Variants in MFAP5 observed in about 807,000 individuals in gnomAD.
The protein encoded by MFAP5 is microfibrillar-associated protein 5.
In MFAP5, 19 loss-of-function variants were observed where a neutral mutation model predicts 30.1. That is an observed-to-expected ratio of 0.63 (90% CI 0.44 to 0.93). MFAP5 has a LOEUF of 0.93. MFAP5 is among the 40% of genes least tolerant of loss of function. MFAP5 has a pLI of 0.00. For missense variants in MFAP5, 210 were observed against 221.3 expected (o/e 0.95, Z 0.32); for synonymous variants, 92 against 72.9 (o/e 1.26, Z -1.33).
rs145989395 is a variant in MFAP5 at position 8,650,995 on chromosome 12, C to T, written c.248-406G>A. On this transcript the variant is annotated intron_variant, in intron 7 of 9. Coordinates refer to ENST00000359478, the MANE Select transcript of MFAP5 (RefSeq NM_003480.4). ...CAGCCTGGCCAACAAGGTAAAACCCCGTCTCTACTGAAAATACAAAAATTA... is the reference window on the plus strand; with the variant it reads ...CAGCCTGGCCAACAAGGTAAAACCCTGTCTCTACTGAAAATACAAAAATTA... Among the ~76,000 whole-genome samples the T allele has an allele frequency of 1.8e-4, 27 of 152,130 alleles. No homozygotes were observed. The East Asian group carries it at 4.8e-3, about 27-fold the overall frequency.
chr12:8,650,638 A>G (rs764640506), intron 7 of MFAP5, 49 bp from the exon 8 acceptor site: 30 of 1,499,788 alleles, frequency 2.0e-5, no homozygotes, highest in Non-Finnish European at 2.6e-5. Flanking sequence ...TAGAAGCAGC[A>G]TAAATGAAGG....
In MFAP5 at chr12:8,648,649, T is replaced by G; in HGVS notation, c.410-446A>C. 4.6e-6 allele frequency: 3 copies of G among 651,936 alleles called. No individual in the cohort carries two copies. In the South Asian group the frequency reaches 5.1e-5, roughly 11 times the overall value. The allele number at this position is 651,936 out of a possible 1,614,324, so 40.4% of individuals were successfully genotyped here. On this transcript the variant is annotated intron_variant, in intron 9 of 9. Transcript: ENST00000359478. ...AACTTTAGGAAGTCCCTTGAGATAC[T>G]TGAAAGTGCCTAGAGTCCCAAATAC...
intron 3 of MFAP5, 131 bp downstream of exon 3, chr12:8,660,730 CTT>C: frequency 1.3e-6 from 1 of 783,006 alleles, no homozygotes; most frequent in Non-Finnish European, 2.0e-6. Flanking sequence ...CAATGCATCT[CTT>C]TGTTGTAGGA....
rs1941848079 is a variant in MFAP5 at position 8,651,871 on chromosome 12, G to A, written c.218-180C>T. The A allele has an allele frequency of 8.4e-6, 5 of 598,206 alleles. No individual in the cohort carries two copies. The Admixed American group carries it at 8.9e-5, about 11-fold the overall frequency. 37.1% of individuals were successfully genotyped at this position (598,206 alleles called of 1,614,324 possible). On this transcript the variant is annotated intron_variant, in intron 6 of 9. Transcript: ENST00000359478. ...TTGAGCTGATTTGCTCCACAAAATT[G>A]AAGACATTAGGAGGCAGGATGGGAT... is the stretch of plus-strand genomic sequence containing the variant.
chr12:8,653,428 G>A (rs1160382122), intron 6 of MFAP5, among the ~76,000 whole-genome samples: 1 of 152,126 alleles, frequency 6.6e-6, no homozygotes, highest in Non-Finnish European at 1.5e-5. Context: ...GAAGTGGGGT[G>A]TGATCCTTCC....
At chr12:8,652,145 TA>T (rs779132046) in intron 6 of MFAP5, among the ~76,000 whole-genome samples, 10 of 151,998 alleles carry the variant, frequency 6.6e-5, no homozygotes, top group Non-Finnish European at 1.3e-4. Flanking sequence ...AGCTGTTGGG[TA>T]AAGAATAATG....
rs779814294 is a variant in MFAP5 at position 8,653,982 on chromosome 12, C to A, written c.217+455G>T. Among the ~76,000 whole-genome samples the A allele has an allele frequency of 2.0e-5, 3 of 152,248 alleles. No homozygotes were observed. In the East Asian group the frequency reaches 5.8e-4, roughly 29 times the overall value. ...TCTACTAAAACTACAAAAAATTAGC[C>A]AGGCATGGTGGTAGGTGCCTATAAT... On this transcript the variant is annotated intron_variant, in intron 6 of 9. Transcript: ENST00000359478.
chr12:8,660,375 T>C (rs901906140), intron 3 of MFAP5, among the ~76,000 whole-genome samples: 14 of 151,544 alleles, frequency 9.2e-5, no homozygotes, highest in African/African-American at 3.4e-4. Flanking sequence ...TTTCTAGAGA[T>C]GAGGTCTCCC....
In MFAP5 at chr12:8,646,107, C is replaced by A. The variant is rs1310427467; in HGVS notation, c.*1984G>T. On this transcript the variant is annotated 3_prime_UTR_variant, in exon 10 of 10. Transcript: ENST00000359478. ...TCGTGAAGATATTCTTAAAATTAAT[C>A]TTGGAAACTCTGTGCCTATGAGGTT... The A allele has an allele frequency of 2.0e-5, 3 of 152,592 alleles. No individual in the cohort carries two copies. The highest frequency in any genetic ancestry group is 4.4e-5 in the Non-Finnish European group (3 of 68,028). The allele number at this position is 152,592 out of a possible 1,614,324, so 9.5% of individuals were successfully genotyped here.
At chr12:8,649,480 A>C (rs1156740264) in intron 9 of MFAP5, 21 bp downstream of exon 9, 1 of 1,608,262 alleles carries the variant, frequency 6.2e-7, no homozygotes. Flanking sequence ...CTCTCCATTA[A>C]ACATCCAGAC....
At chr12:8,653,055 G>T (rs1347677028) in intron 6 of MFAP5, among the ~76,000 whole-genome samples, 1 of 152,020 alleles carries the variant, frequency 6.6e-6, no homozygotes, top group Non-Finnish European at 1.5e-5. Context: ...AGCCAGGCTT[G>T]GTGGTGGGCG....
intron 4 of MFAP5, 47 bp from the exon 5 acceptor site, chr12:8,655,494 T>C (rs749703503): frequency 6.3e-7 from 1 of 1,575,786 alleles, no homozygotes; most frequent in African/African-American, 1.4e-5. Flanking sequence ...TCAGGAAAAG[T>C]AGCTAAGGAA....
chr12:8,661,521 T>C (rs1288291245), intron 2 of MFAP5, among the ~76,000 whole-genome samples: 1 of 151,934 alleles, frequency 6.6e-6, no homozygotes, highest in African/African-American at 2.4e-5. Context: ...AAGATTTACA[T>C]TTGGTCCAGT....
At chr12:8,662,191 C>A in intron 1 of MFAP5, 85 bp from the exon 2 acceptor site, 1 of 1,134,158 alleles carries the variant, frequency 8.8e-7, no homozygotes, top group Non-Finnish European at 1.3e-6. Context: ...CCTCTGAGGT[C>A]CCTGTCTCTT....
chr12:8,651,631 G>C, intron 7 of MFAP5, 31 bp downstream of exon 7: 1 of 1,610,998 alleles, frequency 6.2e-7, no homozygotes, highest in Non-Finnish European at 8.5e-7. Flanking sequence ...AGAAAAAAAG[G>C]CTTAAGAAGG....
rs1402206908 is a variant in MFAP5, at chr12:8,657,734, A to T, written c.95-1904T>A. On this transcript the variant is annotated intron_variant, in intron 3 of 9. Transcript: ENST00000359478. Reference sequence around the variant, plus strand: ...ACACAGGCATGTGCCACCATGCCCGACTAGTTTTTGTATTTTTAGTAGAGA... The same window carrying T: ...ACACAGGCATGTGCCACCATGCCCGTCTAGTTTTTGTATTTTTAGTAGAGA... Among the ~76,000 whole-genome samples the T allele has an allele frequency of 3.3e-5, 5 of 150,810 alleles. No individual in the cohort carries two copies. In the East Asian group the frequency reaches 1.0e-3, roughly 30 times the overall value.
chr12:8,656,787 C>G (rs1325070710), intron 3 of MFAP5, among the ~76,000 whole-genome samples: 1 of 151,664 alleles, frequency 6.6e-6, no homozygotes, highest in Non-Finnish European at 1.5e-5. Flanking sequence ...TCTGCCTCAG[C>G]CTCCAGAGTA....
intron 3 of MFAP5, among the ~76,000 whole-genome samples, chr12:8,656,175 C>G (rs745945147): frequency 6.6e-6 from 1 of 151,308 alleles, no homozygotes; most frequent in Non-Finnish European, 1.5e-5. Context: ...ATTCTCCTGC[C>G]TCAGCCTCCC....
At chr12:8,657,164 A>T (rs955600368) in intron 3 of MFAP5, among the ~76,000 whole-genome samples, 57 of 152,334 alleles carry the variant, frequency 3.7e-4, no homozygotes, top group Non-Finnish European at 7.4e-4. Flanking sequence ...TATGTAAATT[A>T]AAAAATAAAA....
Sources: allele counts gnomAD v4.1 joint callset (sites outside exome capture counted in the v4.1 genomes callset), GRCh38; gene constraint gnomAD v4.1.1; transcripts MANE v1.5; gene names NCBI Gene and HGNC (gene_info 2026-07-23, HGNC 2026-07-21).